The following MON2 variants were observed in gnomAD, a reference collection of about 807,000 sequenced individuals.
MON2 encodes protein MON2 homolog.
MON2 carries 84 observed loss-of-function variants against 208.6 expected under a neutral mutation model. That is an observed-to-expected ratio of 0.40 (90% CI 0.34 to 0.48). The LOEUF is 0.48. Among genes scored for constraint, MON2 ranks in the 20% least tolerant of loss-of-function variants. MON2 has a pLI of 0.59. For synonymous variants in MON2, 660 were observed against 694.0 expected (o/e 0.95, Z 0.77); for missense variants, 1,611 against 2,015.4 (o/e 0.80, Z 3.84).
intron 2 of MON2, among the ~76,000 whole-genome samples, chr12:62,486,731 G>T (rs1360444422): frequency 6.6e-6 from 1 of 151,928 alleles, no homozygotes; most frequent in African/African-American, 2.4e-5. Context: ...TTCATGAGAA[G>T]TATTTACTTC....
Position 62,561,157 on chromosome 12 carries a change from T to A in MON2, c.4032+44T>A, listed in dbSNP as rs763407484. On this transcript the variant is annotated intron_variant, in intron 26 of 34. Coordinates refer to ENST00000393630, the MANE Select transcript of MON2 (RefSeq NM_015026.3). ...CTAAGTAATACTGCATATAGTTCTC[T>A]GAAATTTTTTTTATTTTGCTATATA... 12 of 1,483,688 alleles carry A rather than the reference T, an allele frequency of 8.1e-6. No homozygotes were observed. In the Admixed American group the frequency reaches 2.1e-4, roughly 26 times the overall value. 91.9% of individuals were successfully genotyped at this position (1,483,688 alleles called of 1,614,324 possible).
intron 12 of MON2, among the ~76,000 whole-genome samples, chr12:62,533,617 T>C (rs575587827): frequency 2.4e-4 from 36 of 152,206 alleles, no homozygotes; most frequent in Non-Finnish European, 2.8e-4. Context: ...TAGAACAAGA[T>C]GTTCCAGGCT....
intron 4 of MON2, among the ~76,000 whole-genome samples, chr12:62,497,106 A>G (rs898784974): frequency 7.3e-6 from 1 of 137,830 alleles, no homozygotes; most frequent in African/African-American, 2.7e-5. Flanking sequence ...GAATTGAACA[A>G]TGAGAACACA....
intron 11 of MON2, among the ~76,000 whole-genome samples, chr12:62,529,289 CTG>C (rs1192298798): frequency 2.0e-5 from 3 of 152,120 alleles, no homozygotes; most frequent in Admixed American, 6.5e-5. Flanking sequence ...TCATTAATAA[CTG>C]TAATATTAGT....
intron 23 of MON2, among the ~76,000 whole-genome samples, chr12:62,552,070 A>G (rs2073771000): frequency 6.6e-6 from 1 of 152,194 alleles, no homozygotes; most frequent in Non-Finnish European, 1.5e-5. Flanking sequence ...CATTTACCTT[A>G]TGTTAGGTAT....
At chr12:62,554,323 T>A (rs2073874020) in intron 24 of MON2, among the ~76,000 whole-genome samples, 1 of 152,132 alleles carries the variant, frequency 6.6e-6, no homozygotes, top group Non-Finnish European at 1.5e-5. Flanking sequence ...AAGCACAGAT[T>A]TTTGAGCCAC....
rs138816741 is a variant in MON2 at position 62,556,022 on chromosome 12, G to A, written c.3239G>A (p.Arg1080Gln). ...CTCTTTCATCTACTGGACAGAGTTC[G>A]AGAGTCCTCTACCACTGCAGACAAA... ...KVLFHLLDRVRESSTTADKEK... is the reference protein window; with the variant it reads ...KVLFHLLDRVQESSTTADKEK... The change falls in exon 25 of 35, where the codon CGA (arginine) becomes CAA (glutamine). Residue 1080 changes from arginine to glutamine, a missense_variant. Transcript: ENST00000393630. The A allele has an allele frequency of 1.7e-4, 282 of 1,612,410 alleles. No individual in the cohort carries two copies. Among genetic ancestry groups the A allele is most frequent in the Admixed American group, 1.2e-3 (69 of 59,892 alleles).
chr12:62,552,582 A>C (rs2073798787), intron 23 of MON2, among the ~76,000 whole-genome samples: 1 of 152,036 alleles, frequency 6.6e-6, no homozygotes, highest in Admixed American at 6.6e-5. Context: ...TAGATACATC[A>C]ATATGTTCAA....
In MON2 at chr12:62,500,800, G is replaced by C. The variant is rs777706383; in HGVS notation, c.583G>C (p.Val195Leu). 1.1e-5 allele frequency: 18 copies of C among 1,591,618 alleles called. No individual in the cohort carries two copies. The highest frequency in any genetic ancestry group is 1.7e-4 in the Middle Eastern group (1 of 6,042). The change falls in exon 6 of 35, where the codon GTA (valine) becomes CTA (leucine). Residue 195 changes from valine (V) to leucine (L), a missense_variant. Val to Leu is a conservative substitution (Grantham distance 32). Coordinates refer to ENST00000393630, the MANE Select transcript of MON2 (RefSeq NM_015026.3). ...GATTGCAGATATTATAGAACAACCA[G>C]TACTGGTACAAGGAAATAGTAACAG... Reference protein sequence around the residue: ...ERHRDIIEQPVLVQGNSNRRS... With the variant: ...ERHRDIIEQPLLVQGNSNRRS...
intron 2 of MON2, among the ~76,000 whole-genome samples, chr12:62,492,776 C>G (rs966409680): frequency 6.7e-5 from 10 of 149,790 alleles, no homozygotes; most frequent in African/African-American, 2.4e-4. Context: ...GTCAGGAGAT[C>G]GAGACCATCC....
intron 4 of MON2, among the ~76,000 whole-genome samples, chr12:62,498,376 G>A (rs749333659): frequency 2.0e-4 from 30 of 152,212 alleles, no homozygotes; most frequent in Non-Finnish European, 3.2e-4. Flanking sequence ...AAAACTTTTG[G>A]GGTGATGGAA....
In MON2 at chr12:62,598,339, T is replaced by A. The variant is rs2075567594; in HGVS notation, c.*5590T>A. On this transcript the variant is annotated 3_prime_UTR_variant, in exon 35 of 35. Coordinates refer to ENST00000393630, the MANE Select transcript of MON2 (RefSeq NM_015026.3). ...TTTTAAACTAAAATTCAATAAACAGTGCAGCCAGGGAAGATCTGCTAAACC... is the reference window on the plus strand; with the variant it reads ...TTTTAAACTAAAATTCAATAAACAGAGCAGCCAGGGAAGATCTGCTAAACC... 1 of 152,236 alleles carries A rather than the reference T, an allele frequency of 6.6e-6. No individual in the cohort carries two copies. Among genetic ancestry groups the A allele is most frequent in the East Asian group, 1.9e-4 (1 of 5,200 alleles). 9.4% of individuals were successfully genotyped at this position (152,236 alleles called of 1,614,324 possible).
At chr12:62,588,870 T>C in intron 34 of MON2, 1 of 1,479,178 alleles carries the variant, frequency 6.8e-7, no homozygotes, top group East Asian at 2.5e-5. Flanking sequence ...TATCAGCCTA[T>C]TTGGAATACC....
At position 62,508,280 on chromosome 12, in the gene MON2, A is replaced by C. The variant is rs531539589; in HGVS notation, c.790-6A>C. 30 of 1,603,668 alleles carry C rather than the reference A, an allele frequency of 1.9e-5. No individual in the cohort carries two copies. Among genetic ancestry groups the C allele is most frequent in the Non-Finnish European group, 2.5e-5 (29 of 1,174,706 alleles). On this transcript the variant is annotated splice_region_variant and splice_polypyrimidine_tract_variant and intron_variant, in intron 7 of 34. Coordinates refer to ENST00000393630, the MANE Select transcript of MON2 (RefSeq NM_015026.3). Reference sequence around the variant, plus strand: ...ATTTTTTTCTTTCTTTTTTCCTTGCAAATAGCACCAAGAATTTAGTTTCCT... The same window carrying C: ...ATTTTTTTCTTTCTTTTTTCCTTGCCAATAGCACCAAGAATTTAGTTTCCT...
intron 2 of MON2, among the ~76,000 whole-genome samples, chr12:62,488,209 A>G (rs1030700045): frequency 1.3e-5 from 2 of 152,134 alleles, no homozygotes; most frequent in African/African-American, 4.8e-5. Flanking sequence ...GACCCTCAGC[A>G]TAGAATTTTT....
intron 1 of MON2, chr12:62,482,272 A>T (rs2069490549): frequency 6.6e-6 from 1 of 152,228 alleles, no homozygotes; most frequent in Non-Finnish European, 1.5e-5. Context: ...TGAAGTTAGG[A>T]ATTCTTCAAA....
intron 3 of MON2, among the ~76,000 whole-genome samples, chr12:62,494,401 A>G (rs2070354928): frequency 6.6e-6 from 1 of 152,210 alleles, no homozygotes; most frequent in Admixed American, 6.5e-5. Context: ...TTTTTCATTA[A>G]CTTAAACGTA....
intron 2 of MON2, among the ~76,000 whole-genome samples, chr12:62,489,199 CA>C (rs1256077552): frequency 6.6e-6 from 1 of 151,740 alleles, no homozygotes; most frequent in African/African-American, 2.4e-5. Context: ...TACTGCTTTC[CA>C]AAAAGATGAA....
intron 30 of MON2, among the ~76,000 whole-genome samples, chr12:62,576,046 A>T (rs1288693996): frequency 6.6e-6 from 1 of 152,224 alleles, no homozygotes; most frequent in African/African-American, 2.4e-5. Context: ...AATGTAATAT[A>T]TTCAATATTC....
Sources: gnomAD v4.1 joint callset for allele counts (sites outside exome capture counted in the v4.1 genomes callset) on GRCh38, gnomAD v4.1.1 for gene constraint, MANE v1.5 for transcripts, NCBI Gene and HGNC (gene_info 2026-07-23, HGNC 2026-07-21) for gene names.